Variants in DPP4 observed in about 807,000 individuals in gnomAD.
DPP4 encodes the protein dipeptidyl peptidase 4, also known as ADCP-2.
Under a neutral mutation model 122.4 loss-of-function variants are expected in DPP4, and 93 were observed. The observed-to-expected ratio is 0.76, with a 90% CI of 0.64 to 0.90. The LOEUF is 0.90. Ranked by LOEUF, DPP4 falls within the 40% of genes least tolerant of loss-of-function variation. The probability of loss-of-function intolerance (pLI) is 0.00; values close to 1 mark genes in which losing one functional copy is unlikely to be tolerated. For synonymous variants in DPP4, 321 were observed against 302.9 expected (o/e 1.06, Z -0.62); for missense variants, 914 against 907.3 (o/e 1.01, Z -0.09).
intron 2 of DPP4, among the ~76,000 whole-genome samples, chr2:162,062,039 C>G (rs1684790785): frequency 6.6e-6 from 1 of 150,550 alleles, no homozygotes; most frequent in African/African-American, 2.4e-5. Flanking sequence ...GAGGCCAAGA[C>G]AGGCAAATCA....
At position 162,038,391 on chromosome 2, in the gene DPP4, T is replaced by C; in HGVS notation, c.524A>G (p.Lys175Arg). The C allele has an allele frequency of 6.2e-7, 1 of 1,609,320 alleles. No homozygotes were observed. Among genetic ancestry groups the C allele is most frequent in the Non-Finnish European group, 8.5e-7 (1 of 1,177,420 alleles). The change falls in exon 8 of 26, where the codon AAA becomes AGA. Residue 175 changes from lysine to arginine, a missense_variant. Physicochemically the swap from Lys to Arg is conservative, Grantham distance 26. Coordinates refer to ENST00000360534, the MANE Select transcript of DPP4 (RefSeq NM_001935.4). Reference sequence around the variant, plus strand: ...GTAACTTGGTAAATTTGGTTCAATTTTAACATAAATGTCATTGTTCCAAAC... The same window carrying C: ...GTAACTTGGTAAATTTGGTTCAATTCTAACATAAATGTCATTGTTCCAAAC... ...AYVWNNDIYV[K>R]IEPNLPSYRI... is the part of the protein sequence containing the mutation.
intron 22 of DPP4, among the ~76,000 whole-genome samples, chr2:162,007,988 C>T (rs577718790): frequency 3.9e-5 from 6 of 152,230 alleles, no homozygotes; most frequent in African/African-American, 1.4e-4. Flanking sequence ...CCTCCTCCCT[C>T]ATCTTCCATC....
At position 161,993,282 on chromosome 2, in the gene DPP4, G is replaced by T; in HGVS notation, c.*1C>A. 6.2e-7 allele frequency: 1 copy of T among 1,606,174 alleles called. No individual in the cohort carries two copies. The highest frequency in any genetic ancestry group is 8.5e-7 in the Non-Finnish European group (1 of 1,172,880). On this transcript the variant is annotated 3_prime_UTR_variant, in exon 26 of 26. Coordinates refer to ENST00000360534, the MANE Select transcript of DPP4 (RefSeq NM_001935.4). ...TTTAAATGGCATGGTATTTTGAGGT[G>T]CTAAGGTAAAGAGAAACATTGTTTT...
intron 5 of DPP4, among the ~76,000 whole-genome samples, chr2:162,044,694 T>A (rs1457781635): frequency 6.6e-6 from 1 of 152,224 alleles, no homozygotes; most frequent in Non-Finnish European, 1.5e-5. Context: ...GTTAAAGTTA[T>A]GGCCACCCAT....
chr2:162,004,406 A>G (rs1237883615), intron 23 of DPP4, among the ~76,000 whole-genome samples: 1 of 152,186 alleles, frequency 6.6e-6, no homozygotes, highest in Admixed American at 6.5e-5. Flanking sequence ...ATTGAGCCCT[A>G]AGTATTAAAT....
chr2:162,007,780 A>AT (rs1302878753), intron 22 of DPP4, among the ~76,000 whole-genome samples: 1 of 152,106 alleles, frequency 6.6e-6, no homozygotes, highest in East Asian at 1.9e-4. Context: ...ATATAAATGT[A>AT]TTTTTACATT....
At chr2:162,046,827 T>G (rs752684684) in intron 4 of DPP4, 88 bp downstream of exon 4, 1 of 864,684 alleles carries the variant, frequency 1.2e-6, no homozygotes, top group Non-Finnish European at 2.0e-6. Flanking sequence ...GTCCAACAGG[T>G]TGAGAAATGA....
intron 25 of DPP4, 33 bp downstream of exon 25, chr2:161,994,928 A>C: frequency 1.3e-6 from 2 of 1,595,686 alleles, no homozygotes; most frequent in Non-Finnish European, 1.7e-6. Flanking sequence ...CCCACCAGCA[A>C]CTTCCCTCCC....
At chr2:162,035,531 A>C (rs1336465409) in intron 8 of DPP4, among the ~76,000 whole-genome samples, 1 of 152,170 alleles carries the variant, frequency 6.6e-6, no homozygotes, top group African/African-American at 2.4e-5. Context: ...AAAATAAGTA[A>C]CCCGTTGGAC....
chr2:162,038,439 C>A lies in DPP4; in HGVS notation c.493-17G>T, dbSNP rs996582205. 2 of 1,588,872 alleles carry A rather than the reference C, an allele frequency of 1.3e-6. No individual in the cohort carries two copies. Among genetic ancestry groups the A allele is most frequent in the Non-Finnish European group, 1.7e-6 (2 of 1,169,758 alleles). On this transcript the variant is annotated splice_polypyrimidine_tract_variant and intron_variant, in intron 7 of 25. Coordinates refer to ENST00000360534, the MANE Select transcript of DPP4 (RefSeq NM_001935.4). ...AACATATGCCTAGAAGGAAAAAAAA[C>A]AAGCATTGATATCTATAATACATGT...
intron 18 of DPP4, 84 bp downstream of exon 18, chr2:162,016,684 A>G: frequency 1.2e-6 from 1 of 842,396 alleles, no homozygotes; most frequent in South Asian, 2.4e-5. Context: ...ATAATATGAA[A>G]TACATATTTT....
At chr2:162,010,309 T>C (rs898628765) in intron 20 of DPP4, among the ~76,000 whole-genome samples, 1 of 152,154 alleles carries the variant, frequency 6.6e-6, no homozygotes, top group African/African-American at 2.4e-5. Context: ...CATTTCCCTC[T>C]TTGCAAAGGG....
At chr2:162,011,749 A>G (rs1259474334) in intron 20 of DPP4, 44 bp downstream of exon 20, 2 of 1,576,480 alleles carry the variant, frequency 1.3e-6, no homozygotes, top group Non-Finnish European at 1.7e-6. Context: ...TTTAAAGGGG[A>G]AAAAAAATCA....
At chr2:162,068,389 C>G (rs1008774709) in intron 2 of DPP4, among the ~76,000 whole-genome samples, 39 of 152,154 alleles carry the variant, frequency 2.6e-4, no homozygotes, top group African/African-American at 8.9e-4. Flanking sequence ...AGTCACATTG[C>G]CTGAGTATGA....
rs1684594021 is a variant in DPP4, at chr2:162,056,730, C to T, written c.95-9229G>A. 1.3e-5 allele frequency among the ~76,000 whole-genome samples: 2 copies of T among 152,146 alleles called. 1 individual carries two copies. The highest frequency in any genetic ancestry group is 4.1e-4 in the South Asian group (2 of 4,822). ...TTTCTAAGACGAAGAAAAAGCCACACAGTGAGGACTATAGGAGGGGCCTGA... is the reference window on the plus strand; with the variant it reads ...TTTCTAAGACGAAGAAAAAGCCACATAGTGAGGACTATAGGAGGGGCCTGA... On this transcript the variant is annotated intron_variant, in intron 2 of 25. Transcript: ENST00000360534.
At chr2:162,008,328 G>A (rs562013946) in intron 22 of DPP4, among the ~76,000 whole-genome samples, 31 of 151,984 alleles carry the variant, frequency 2.0e-4, no homozygotes, top group Non-Finnish European at 3.8e-4. Flanking sequence ...TTTGAAATTC[G>A]GAAAACAGAA....
chr2:162,039,218 G>C (rs1394770902), intron 5 of DPP4, 34 bp from the exon 6 acceptor site: 1 of 1,603,026 alleles, frequency 6.2e-7, no homozygotes, highest in Admixed American at 1.7e-5. Flanking sequence ...AGGCTTCTGT[G>C]ATACTTGATA....
intron 10 of DPP4, chr2:162,032,328 T>A (rs1576052249): frequency 6.6e-6 from 1 of 152,232 alleles, no homozygotes; most frequent in African/African-American, 2.4e-5. Context: ...AGTCCTAAGA[T>A]AAAGCATGTG....
At chr2:162,023,994 G>T (rs1408045189) in intron 11 of DPP4, among the ~76,000 whole-genome samples, 1 of 152,206 alleles carries the variant, frequency 6.6e-6, no homozygotes, top group Non-Finnish European at 1.5e-5. Flanking sequence ...TTCCATGTTT[G>T]TTACATAAAT....
Sources: gnomAD v4.1 joint callset for allele counts (sites outside exome capture counted in the v4.1 genomes callset) on GRCh38, gnomAD v4.1.1 for gene constraint, MANE v1.5 for transcripts, NCBI Gene and HGNC (gene_info 2026-07-23, HGNC 2026-07-21) for gene names.